The following KLF12 variants were observed in gnomAD, a reference collection of about 807,000 sequenced individuals.
The protein encoded by KLF12 is KLF transcription factor 12, also known as Krueppel-like factor 12.
A neutral mutation model predicts 37.8 loss-of-function variants in KLF12; 9 were observed. The ratio of observed to expected loss-of-function variants is 0.24; its 90% CI spans 0.14 to 0.42. The LOEUF is 0.42. Among genes scored for constraint, KLF12 ranks in the 10% least tolerant of loss-of-function variants. The pLI is 1.00. For missense variants in KLF12, 411 were observed against 516.0 expected (o/e 0.80, Z 1.97); for synonymous variants, 208 against 202.1 (o/e 1.03, Z -0.25).
intron 1 of KLF12, among the ~76,000 whole-genome samples, chr13:74,043,427 T>C (rs1045932906): frequency 2.6e-5 from 4 of 152,188 alleles, no homozygotes; most frequent in African/African-American, 9.7e-5. Flanking sequence ...CGTACAAACA[T>C]GTAACAGGCC....
the KLF12 span, among the ~76,000 whole-genome samples, chr13:74,162,844 C>G: frequency 5.9e-5 from 9 of 152,016 alleles, no homozygotes; most frequent in Non-Finnish European, 1.3e-4. Flanking sequence ...AGCATGTGCA[C>G]TTTTAAAAGT....
In KLF12 at chr13:73,984,043, C is replaced by T. The variant is rs182859561; in HGVS notation, c.33+10947G>A. On this transcript the variant is annotated intron_variant, in intron 2 of 7. Coordinates refer to ENST00000377669, the MANE Select transcript of KLF12 (RefSeq NM_007249.5). The stretch of plus-strand genomic sequence containing the variant: ...GTGCTTCAGACAGAAATGGGAAAAT[C>T]AAGGAAAGAACAGGAACCAACAGAG... Among the ~76,000 whole-genome samples, 4 of 152,274 alleles carry T rather than the reference C, an allele frequency of 2.6e-5. No individual in the cohort carries two copies. In the East Asian group the frequency reaches 7.7e-4, roughly 29 times the overall value.
At chr13:73,942,294 C>G (rs555928802) in intron 3 of KLF12, among the ~76,000 whole-genome samples, 49 of 152,222 alleles carry the variant, frequency 3.2e-4, no homozygotes, top group Non-Finnish European at 5.1e-4. Context: ...ATTGTTATTT[C>G]AAGTTGAAGA....
Position 73,722,235 on chromosome 13 carries a change from C to G in KLF12, c.870-6710G>C, listed in dbSNP as rs116599048. 4.8e-3 allele frequency among the ~76,000 whole-genome samples: 725 copies of G among 152,252 alleles called. 7 individuals are homozygous for G. Among genetic ancestry groups the G allele is most frequent in the African/African-American group, 0.016 (681 of 41,534 alleles). On this transcript the variant is annotated intron_variant, in intron 6 of 7. Transcript: ENST00000377669. ...CACCCTGGGAATGAATCATCAAGAC[C>G]ACAAGCAGAGCAAGAGTGGATGAGA...
chr13:73,733,039 C>T (rs565534634), intron 6 of KLF12, among the ~76,000 whole-genome samples: 1 of 152,320 alleles, frequency 6.6e-6, no homozygotes, highest in Non-Finnish European at 1.5e-5. Context: ...TCCATCTTCA[C>T]TGCCATACTC....
intron 5 of KLF12, among the ~76,000 whole-genome samples, chr13:73,792,990 T>C (rs754478582): frequency 4.7e-4 from 72 of 152,350 alleles, no homozygotes; most frequent in East Asian, 3.9e-4. Flanking sequence ...GTCTGGCACA[T>C]GTGTGCTCTA....
chr13:74,232,105 T>C, the KLF12 span, among the ~76,000 whole-genome samples: 1 of 152,156 alleles, frequency 6.6e-6, no homozygotes, highest in African/African-American at 2.4e-5. Flanking sequence ...TTGTAAACAA[T>C]CATCTTCCTT....
chr13:73,776,603 T>C (rs1880623622), intron 5 of KLF12, among the ~76,000 whole-genome samples: 1 of 152,220 alleles, frequency 6.6e-6, no homozygotes, highest in African/African-American at 2.4e-5. Context: ...AGTAGTCACA[T>C]TCAAATTCAC....
intron 5 of KLF12, among the ~76,000 whole-genome samples, chr13:73,784,802 T>C (rs1881215980): frequency 6.6e-6 from 1 of 151,884 alleles, no homozygotes; most frequent in East Asian, 1.9e-4. Context: ...GGCTAGTTTT[T>C]TGTTTTTGCA....
chr13:74,166,354 A>T, the KLF12 span, among the ~76,000 whole-genome samples: 35,824 of 151,938 alleles, frequency 0.24, 5,541 homozygotes, highest in African/African-American at 0.45. Context: ...GGCATTCCAA[A>T]GTGCTGGGAT....
At chr13:74,030,241 G>A (rs1009721945) in intron 1 of KLF12, among the ~76,000 whole-genome samples, 2 of 152,060 alleles carry the variant, frequency 1.3e-5, no homozygotes, top group Non-Finnish European at 2.9e-5. Flanking sequence ...CAAATGAGAA[G>A]ATTACCAAAA....
intron 3 of KLF12, among the ~76,000 whole-genome samples, chr13:73,865,016 G>A (rs1393140319): frequency 6.6e-6 from 1 of 152,010 alleles, no homozygotes; most frequent in Non-Finnish European, 1.5e-5. Flanking sequence ...GACATATACA[G>A]TTATATAATA....
At chr13:74,024,737 A>AT (rs1246248768) in intron 1 of KLF12, among the ~76,000 whole-genome samples, 1 of 152,192 alleles carries the variant, frequency 6.6e-6, no homozygotes, top group Non-Finnish European at 1.5e-5. Context: ...TGGAAGCCAC[A>AT]TTTTGTTTCT....
At chr13:73,731,249 T>C (rs1877034759) in intron 6 of KLF12, among the ~76,000 whole-genome samples, 1 of 152,114 alleles carries the variant, frequency 6.6e-6, no homozygotes, top group Non-Finnish European at 1.5e-5. Context: ...ATTAGCCAAC[T>C]TGGAGTCCAC....
At chr13:74,035,771 A>G (rs947608060) in intron 1 of KLF12, among the ~76,000 whole-genome samples, 1 of 152,218 alleles carries the variant, frequency 6.6e-6, no homozygotes, top group African/African-American at 2.4e-5. Flanking sequence ...ATCTCTTCAG[A>G]CGCTCTTCAG....
At chr13:74,141,055 A>G in the KLF12 span, among the ~76,000 whole-genome samples, 3 of 152,026 alleles carry the variant, frequency 2.0e-5, no homozygotes, top group African/African-American at 7.3e-5. Flanking sequence ...ACAGAGGGAG[A>G]CTGTCTCAAA....
intron 3 of KLF12, among the ~76,000 whole-genome samples, chr13:73,896,172 C>T (rs1887761222): frequency 6.6e-6 from 1 of 151,924 alleles, no homozygotes; most frequent in Admixed American, 6.6e-5. Context: ...AAATCAGGTC[C>T]CAAGTATACT....
the KLF12 span, among the ~76,000 whole-genome samples, chr13:74,290,780 G>A: frequency 1.3e-5 from 2 of 151,056 alleles, no homozygotes; most frequent in Non-Finnish European, 1.5e-5. Context: ...TATTTTAAAC[G>A]TTGTTGTCCT....
At chr13:74,145,602 C>T in the KLF12 span, among the ~76,000 whole-genome samples, 1 of 152,188 alleles carries the variant, frequency 6.6e-6, no homozygotes, top group African/African-American at 2.4e-5. Context: ...GGATCCCTAT[C>T]TCTTACAATC....
Sources: allele counts gnomAD v4.1 joint callset (sites outside exome capture counted in the v4.1 genomes callset), GRCh38; gene constraint gnomAD v4.1.1; transcripts MANE v1.5; gene names NCBI Gene and HGNC (gene_info 2026-07-23, HGNC 2026-07-21).